Variants in STX8 observed in about 807,000 individuals in gnomAD.
The protein encoded by STX8 is syntaxin 8.
STX8 carries 23 observed loss-of-function variants against 37.5 expected under a neutral mutation model. The ratio of observed to expected loss-of-function variants is 0.61; its 90% CI spans 0.44 to 0.87. The LOEUF (loss-of-function observed/expected upper bound fraction) is 0.87, where lower values mean the gene tolerates loss of function less well. Among genes scored for constraint, STX8 ranks in the 40% least tolerant of loss-of-function variants. The pLI, the probability that STX8 is intolerant of heterozygous loss-of-function variation, is 0.00. For synonymous variants in STX8, 115 were observed against 99.1 expected (o/e 1.16, Z -0.95); for missense variants, 313 against 284.7 (o/e 1.10, Z -0.71).
At chr17:9,312,360 C>G (rs866734144) in intron 7 of STX8, among the ~76,000 whole-genome samples, 2 of 151,960 alleles carry the variant, frequency 1.3e-5, no homozygotes, top group African/African-American at 2.4e-5. Context: ...CGCCACCACG[C>G]CCAGCTAATT....
chr17:9,391,947 T>C (rs1053792920), intron 6 of STX8, among the ~76,000 whole-genome samples: 1 of 152,086 alleles, frequency 6.6e-6, no homozygotes, highest in Non-Finnish European at 1.5e-5. Context: ...TGACCCCAAA[T>C]AGTATACGTA....
intron 7 of STX8, among the ~76,000 whole-genome samples, chr17:9,368,921 C>CT (rs1289397523): frequency 1.8e-4 from 23 of 129,074 alleles, no homozygotes; most frequent in African/African-American, 8.6e-4. Flanking sequence ...TACCTTTTAC[C>CT]CTTTTTTTTT....
intron 4 of STX8, among the ~76,000 whole-genome samples, chr17:9,506,525 T>G (rs1904843212): frequency 6.6e-6 from 1 of 151,162 alleles, no homozygotes; most frequent in Non-Finnish European, 1.5e-5. Flanking sequence ...GAGGCCCCTG[T>G]GGTGACTGAA....
intron 6 of STX8, among the ~76,000 whole-genome samples, chr17:9,425,383 A>G (rs1274499138): frequency 6.6e-6 from 1 of 152,178 alleles, no homozygotes; most frequent in African/African-American, 2.4e-5. Flanking sequence ...ATGATGATTT[A>G]TTTGTATTTA....
intron 7 of STX8, among the ~76,000 whole-genome samples, chr17:9,258,577 C>G (rs989393369): frequency 2.0e-5 from 3 of 152,228 alleles, no homozygotes; most frequent in African/African-American, 7.2e-5. Context: ...GAGGACCTAC[C>G]TGCCTCTGAT....
rs1450475681 is a variant in STX8 at position 9,280,517 on chromosome 17, C to A, written c.644-29872G>T. On this transcript the variant is annotated intron_variant, in intron 7 of 7. Coordinates refer to ENST00000306357, the MANE Select transcript of STX8 (RefSeq NM_004853.3). ...GCAGTGAGCCAAGATCGCACCATTGCGCTCCAGCTGGGGAAACAAGAGCAA... is the reference window on the plus strand; with the variant it reads ...GCAGTGAGCCAAGATCGCACCATTGAGCTCCAGCTGGGGAAACAAGAGCAA... Among the ~76,000 whole-genome samples, 10 of 152,248 alleles carry A rather than the reference C, an allele frequency of 6.6e-5. No homozygotes were observed. In the East Asian group the frequency reaches 9.6e-4, roughly 15 times the overall value.
intron 4 of STX8, 85 bp from the exon 5 acceptor site, chr17:9,505,247 C>A: frequency 2.0e-6 from 3 of 1,474,244 alleles, no homozygotes; most frequent in Non-Finnish European, 2.7e-6. Context: ...AGGTGGCCAG[C>A]CTTGAATGCT....
At chr17:9,544,046 C>T (rs1906393907) in intron 4 of STX8, among the ~76,000 whole-genome samples, 1 of 152,108 alleles carries the variant, frequency 6.6e-6, no homozygotes, top group South Asian at 2.1e-4. Flanking sequence ...CACCGCAATC[C>T]CACTCTGGTT....
intron 6 of STX8, 47 bp from the exon 7 acceptor site, chr17:9,378,700 C>G: frequency 2.2e-6 from 3 of 1,379,346 alleles, no homozygotes; most frequent in Non-Finnish European, 3.1e-6. Flanking sequence ...TACCCCGGTT[C>G]ACATCACAGT....
At chr17:9,510,480 TACAAACAC>T (rs1904988912) in intron 4 of STX8, among the ~76,000 whole-genome samples, 1 of 152,076 alleles carries the variant, frequency 6.6e-6, no homozygotes, top group Non-Finnish European at 1.5e-5. Flanking sequence ...TGCAAAATGA[TACAAACAC>T]ATGGAAATTA....
intron 2 of STX8, among the ~76,000 whole-genome samples, chr17:9,566,240 G>A (rs777235229): frequency 6.6e-6 from 1 of 152,114 alleles, no homozygotes; most frequent in Non-Finnish European, 1.5e-5. Flanking sequence ...GGTGCAAATC[G>A]AAACCACAAT....
intron 6 of STX8, among the ~76,000 whole-genome samples, chr17:9,385,460 T>G (rs529415084): frequency 6.6e-6 from 1 of 152,280 alleles, no homozygotes; most frequent in Non-Finnish European, 1.5e-5. Context: ...ATCTCCTACA[T>G]ATTAACAATA....
At chr17:9,333,595 T>C (rs546661915) in intron 7 of STX8, among the ~76,000 whole-genome samples, 8 of 152,154 alleles carry the variant, frequency 5.3e-5, no homozygotes, top group South Asian at 4.1e-4. Flanking sequence ...TTCACTGTGT[T>C]AGCCAGGATG....
intron 7 of STX8, among the ~76,000 whole-genome samples, chr17:9,288,248 T>G (rs1023361298): frequency 1.2e-4 from 17 of 137,466 alleles, no homozygotes; most frequent in Admixed American, 1.0e-3. Flanking sequence ...GAAGAAAATG[T>G]GAAAGAAACA....
intron 7 of STX8, among the ~76,000 whole-genome samples, chr17:9,325,680 G>A (rs935155465): frequency 6.6e-6 from 1 of 152,224 alleles, no homozygotes; most frequent in African/African-American, 2.4e-5. Flanking sequence ...TTCCATCTTT[G>A]GCAAATACTT....
intron 7 of STX8, among the ~76,000 whole-genome samples, chr17:9,304,562 C>T (rs1452227249): frequency 1.5e-5 from 2 of 129,486 alleles, no homozygotes; most frequent in Admixed American, 1.5e-4. Flanking sequence ...ACGAAAAATA[C>T]AAAATAAAGC....
At chr17:9,330,739 T>C (rs1909937101) in intron 7 of STX8, among the ~76,000 whole-genome samples, 1 of 152,132 alleles carries the variant, frequency 6.6e-6, no homozygotes, top group Non-Finnish European at 1.5e-5. Context: ...ACAAAGGCGG[T>C]ATGGCTTGTA....
chr17:9,396,098 AAAAG>A (rs1912392423), intron 6 of STX8, among the ~76,000 whole-genome samples: 1 of 95,640 alleles, frequency 1.0e-5, no homozygotes, highest in Non-Finnish European at 2.6e-5. Flanking sequence ...CAACAATAAG[AAAAG>A]AAAGAAAAGA....
At chr17:9,414,461 T>C (rs1913107469) in intron 6 of STX8, among the ~76,000 whole-genome samples, 1 of 152,178 alleles carries the variant, frequency 6.6e-6, no homozygotes, top group Non-Finnish European at 1.5e-5. Flanking sequence ...TATAAAAGTC[T>C]GAATTCTTAT....
Sources: allele counts gnomAD v4.1 joint callset (sites outside exome capture counted in the v4.1 genomes callset), GRCh38; gene constraint gnomAD v4.1.1; transcripts MANE v1.5; gene names NCBI Gene and HGNC (gene_info 2026-07-23, HGNC 2026-07-21).